EFR3B: variants seen among roughly 807,000 people sequenced by gnomAD.
EFR3B encodes EFR3 homolog B.
A neutral mutation model predicts 104.7 loss-of-function variants in EFR3B; 64 were observed. That is an observed-to-expected ratio of 0.61 (90% CI 0.50 to 0.75). The LOEUF (loss-of-function observed/expected upper bound fraction) is 0.75, where lower values mean the gene tolerates loss of function less well. Among genes scored for constraint, EFR3B ranks in the 30% least tolerant of loss-of-function variants. The pLI, the probability that EFR3B is intolerant of heterozygous loss-of-function variation, is 0.00. For synonymous variants in EFR3B, 385 were observed against 417.9 expected, an observed-to-expected ratio of 0.92 and a Z score of 0.96; for missense variants, 750 against 1,078.5, an observed-to-expected ratio of 0.70 and a Z score of 4.27.
At position 25,128,252 on chromosome 2, in the gene EFR3B, C is replaced by A; in HGVS notation, c.555C>A (p.Ala185=). The A allele has an allele frequency of 1.3e-6, 2 of 1,551,754 alleles. No individual in the cohort carries two copies. The highest frequency in any genetic ancestry group is 1.7e-6 in the Non-Finnish European group (2 of 1,147,014). Residue 185 remains alanine (A), a synonymous_variant, in exon 6 of 23, where the codon GCC becomes GCA. Transcript: ENST00000403714. ...VRKTVNDELQ[A]NIWDPQHMDK... ...AGACGGTGAATGATGAACTGCAGGCCAATATCTGGGACCCACAGCACATGG... is the reference window on the plus strand; with the variant it reads ...AGACGGTGAATGATGAACTGCAGGCAAATATCTGGGACCCACAGCACATGG...
intron 1 of EFR3B, among the ~76,000 whole-genome samples, chr2:25,089,082 G>A (rs1402114104): frequency 6.6e-6 from 1 of 152,172 alleles, no homozygotes. Flanking sequence ...GATATAGCAA[G>A]GGGTGGCCTG....
intron 1 of EFR3B, among the ~76,000 whole-genome samples, chr2:25,090,155 T>G (rs577348900): frequency 6.6e-6 from 1 of 152,378 alleles, no homozygotes; most frequent in South Asian, 2.1e-4. Context: ...TTTCAAGTGG[T>G]GTGCTTGTAC....
Position 25,092,588 on chromosome 2 carries a change from G to A in EFR3B, c.85-415G>A, listed in dbSNP as rs537812580. Among the ~76,000 whole-genome samples, 7 of 143,568 alleles carry A rather than the reference G, an allele frequency of 4.9e-5. No individual in the cohort carries two copies. The South Asian group carries it at 1.1e-3, about 22-fold the overall frequency. The allele number at this position is 143,568 out of a possible 152,430, so 94.2% of individuals were successfully genotyped here. On this transcript the variant is annotated intron_variant, in intron 2 of 22. Transcript: ENST00000403714. The stretch of plus-strand genomic sequence containing the variant: ...CCCCGAGACGGAGTCTCACTCTGTC[G>A]CCCAGGCTAGAGTGCAATGGTGCAA...
chr2:25,053,898 C>G (rs1667950179), intron 1 of EFR3B, among the ~76,000 whole-genome samples: 2 of 152,202 alleles, frequency 1.3e-5, no homozygotes, highest in Admixed American at 1.3e-4. Context: ...CAGAGCGAGA[C>G]TCCGTCAAAC....
In EFR3B at chr2:25,042,421, G is replaced by C. The variant is rs1667597804; in HGVS notation, c.7+102G>C. ...CCTGCACGGCCCTGGCGCGGGGCCAGGCCGCTGACCTGGTGCCCGGCGGGG... is the reference window on the plus strand; with the variant it reads ...CCTGCACGGCCCTGGCGCGGGGCCACGCCGCTGACCTGGTGCCCGGCGGGG... On this transcript the variant is annotated intron_variant, in intron 1 of 22. Coordinates refer to ENST00000403714, the MANE Select transcript of EFR3B (RefSeq NM_014971.2). The surrounding 1 kb of genome is among the most constrained non-coding windows in gnomAD (Gnocchi z 5.4). The C allele has an allele frequency of 4.9e-6, 6 of 1,219,494 alleles. No homozygotes were observed. In the African/African-American group the frequency reaches 7.8e-5, roughly 16 times the overall value. The allele number at this position is 1,219,494 out of a possible 1,614,324, so 75.5% of individuals were successfully genotyped here.
intron 4 of EFR3B, among the ~76,000 whole-genome samples, chr2:25,118,724 T>TAA (rs1208806738): frequency 3.3e-4 from 3 of 9,018 alleles, no homozygotes; most frequent in Non-Finnish European, 9.3e-4. Flanking sequence ...ACCCTGTCTC[T>TAA]ACAAAAAAAA....
chr2:25,127,861 C>T (rs920214825), intron 5 of EFR3B, among the ~76,000 whole-genome samples: 9 of 152,226 alleles, frequency 5.9e-5, no homozygotes, highest in African/African-American at 2.2e-4. Context: ...TGAGCTCTTA[C>T]ATCTTGGGCC....
intron 3 of EFR3B, among the ~76,000 whole-genome samples, chr2:25,096,410 C>G (rs539293315): frequency 6.6e-6 from 1 of 152,314 alleles, no homozygotes; most frequent in Admixed American, 6.5e-5. Context: ...TGGCAGTAGC[C>G]TTGGACATAG....
chr2:25,143,949 T>C, intron 18 of EFR3B, 87 bp downstream of exon 18: 2 of 1,459,170 alleles, frequency 1.4e-6, no homozygotes, highest in Non-Finnish European at 1.8e-6. Flanking sequence ...TTATAGCCCT[T>C]TGATTGCCTG....
chr2:25,098,890 A>T (rs1669355195), intron 3 of EFR3B, among the ~76,000 whole-genome samples: 3 of 99,760 alleles, frequency 3.0e-5, no homozygotes, highest in African/African-American at 9.9e-5. Flanking sequence ...CATATCAGGA[A>T]TTTCTGGCAT....
chr2:25,137,243 C>T lies in EFR3B; in HGVS notation c.1561-98C>T, dbSNP rs1167558162. 7.2e-7 allele frequency: 1 copy of T among 1,383,638 alleles called. No individual in the cohort carries two copies. Among genetic ancestry groups the T allele is most frequent in the Admixed American group, 2.1e-5 (1 of 47,300 alleles). 85.7% of individuals were successfully genotyped at this position (1,383,638 alleles called of 1,614,324 possible). A position where few individuals can be genotyped will look rare whatever the true frequency, so the allele number is the denominator to read the frequency against. On this transcript the variant is annotated intron_variant, in intron 14 of 22. Transcript: ENST00000403714. The surrounding 1 kb of genome is among the most constrained non-coding windows in gnomAD (Gnocchi z 4.7). ...CCCAAGGGAGGAGGGGGCACACAGCCATCCTGCCCCCCTTCAGATTGGTCT... is the reference window on the plus strand; with the variant it reads ...CCCAAGGGAGGAGGGGGCACACAGCTATCCTGCCCCCCTTCAGATTGGTCT...
At position 25,135,351 on chromosome 2, in the gene EFR3B, G is replaced by A. The variant is rs1484590212; in HGVS notation, c.1312-116G>A. On this transcript the variant is annotated intron_variant, in intron 12 of 22. Coordinates refer to ENST00000403714, the MANE Select transcript of EFR3B (RefSeq NM_014971.2). ...TAGGGTAGGGGAGGCTGGATTGGGC[G>A]ATGTCTAGAGAGGATGTGTACATCA... 5.7e-6 allele frequency: 7 copies of A among 1,229,662 alleles called. No homozygotes were observed. In the South Asian group the frequency reaches 5.9e-5, roughly 10 times the overall value. 76.2% of individuals were successfully genotyped at this position (1,229,662 alleles called of 1,614,324 possible).
chr2:25,151,885 T>G (rs1416417870), intron 20 of EFR3B, 29 bp from the exon 21 acceptor site: 3 of 1,550,144 alleles, frequency 1.9e-6, no homozygotes, highest in Non-Finnish European at 2.6e-6. Context: ...GAGCAGGGCC[T>G]GGCACTAACC....
At chr2:25,098,274 C>G (rs1353256959) in intron 3 of EFR3B, among the ~76,000 whole-genome samples, 2 of 152,178 alleles carry the variant, frequency 1.3e-5, no homozygotes, top group Non-Finnish European at 2.9e-5. Flanking sequence ...TTGAGCGATT[C>G]TTGTGCAAAT....
intron 4 of EFR3B, among the ~76,000 whole-genome samples, chr2:25,107,365 T>G (rs1240198085): frequency 6.6e-6 from 1 of 152,168 alleles, no homozygotes; most frequent in African/African-American, 2.4e-5. Context: ...TGAATTGGCA[T>G]AGCACAAATC....
In EFR3B at chr2:25,116,373, C is replaced by T. The variant is rs1308647793; in HGVS notation, c.364-5300C>T. Among the ~76,000 whole-genome samples the T allele has an allele frequency of 3.9e-5, 6 of 152,218 alleles. No homozygotes were observed. In the East Asian group the frequency reaches 1.2e-3, roughly 29 times the overall value. ...GTGCGGTGGCTCATGCCTGTAATCC[C>T]AGCACTTTGGGAGGCCAAGGCAGGC... is the stretch of plus-strand genomic sequence containing the variant. On this transcript the variant is annotated intron_variant, in intron 4 of 22. Coordinates refer to ENST00000403714, the MANE Select transcript of EFR3B (RefSeq NM_014971.2).
chr2:25,089,613 C>G lies in EFR3B; in HGVS notation c.8-1712C>G, dbSNP rs989371350. On this transcript the variant is annotated intron_variant, in intron 1 of 22. Coordinates refer to ENST00000403714, the MANE Select transcript of EFR3B (RefSeq NM_014971.2). ...AAGACTGGGCAGCTGCAGGTTTAAACCCTGGGCTTCCAGGCCCAAGAAGGG... is the reference window on the plus strand; with the variant it reads ...AAGACTGGGCAGCTGCAGGTTTAAAGCCTGGGCTTCCAGGCCCAAGAAGGG... Among the ~76,000 whole-genome samples, 29 of 152,120 alleles carry G rather than the reference C, an allele frequency of 1.9e-4. 1 individual carries two copies. The highest frequency in any genetic ancestry group is 7.0e-4 in the African/African-American group (29 of 41,438).
Position 25,143,715 on chromosome 2 carries a change from C to T in EFR3B, c.1923-20C>T. ...AGATACCGCGGTTCTAACGAACTTTCTCCCTCCTTCATCTTCCAGGCTGTC... is the reference window on the plus strand; with the variant it reads ...AGATACCGCGGTTCTAACGAACTTTTTCCCTCCTTCATCTTCCAGGCTGTC... On this transcript the variant is annotated intron_variant, in intron 17 of 22. Transcript: ENST00000403714. The T allele has an allele frequency of 6.4e-7, 1 of 1,551,052 alleles. No individual in the cohort carries two copies. Among genetic ancestry groups the T allele is most frequent in the Non-Finnish European group, 8.7e-7 (1 of 1,146,700 alleles).
At position 25,157,606 on chromosome 2, in the gene EFR3B, G is replaced by A. The variant is rs1156570788; in HGVS notation, c.*3266G>A. 1 of 152,276 alleles carries A rather than the reference G, an allele frequency of 6.6e-6. No individual in the cohort carries two copies. Among genetic ancestry groups the A allele is most frequent in the Non-Finnish European group, 1.5e-5 (1 of 68,076 alleles). 9.4% of individuals were successfully genotyped at this position (152,276 alleles called of 1,614,324 possible). On this transcript the variant is annotated 3_prime_UTR_variant, in exon 23 of 23. Coordinates refer to ENST00000403714, the MANE Select transcript of EFR3B (RefSeq NM_014971.2). ...ACTCTAGCTGTGTGGGGAAGGGCTA[G>A]CATTGGTCAGGACTCTGCTGACAGC...
Sources: gnomAD v4.1 joint callset for allele counts (sites outside exome capture counted in the v4.1 genomes callset) on GRCh38, gnomAD v4.1.1 for gene constraint, Gnocchi (gnomAD v3.1) non-coding constraint, MANE v1.5 for transcripts, NCBI Gene and HGNC (gene_info 2026-07-23, HGNC 2026-07-21) for gene names.